PTPRD: variants seen among roughly 807,000 people sequenced by gnomAD.
The protein encoded by PTPRD is protein tyrosine phosphatase receptor type D.
PTPRD carries 34 observed loss-of-function variants against 214.5 expected under a neutral mutation model. That is an observed-to-expected ratio of 0.16 (90% CI 0.12 to 0.21). The LOEUF is 0.21. PTPRD is among the 10% of genes least tolerant of loss of function. PTPRD has a pLI of 1.00. For synonymous variants in PTPRD, 1,128 were observed against 845.7 expected (o/e 1.33, Z -5.79); for missense variants, 2,545 against 2,398.7 (o/e 1.06, Z -1.27).
chr9:10,192,509 A>G (rs2099370128), intron 3 of PTPRD, among the ~76,000 whole-genome samples: 1 of 151,604 alleles, frequency 6.6e-6, no homozygotes. Flanking sequence ...CCTTTAAAAA[A>G]TCTTATAGAC....
chr9:9,008,495 G>T (rs936803518), intron 11 of PTPRD, among the ~76,000 whole-genome samples: 3 of 151,764 alleles, frequency 2.0e-5, no homozygotes, highest in Non-Finnish European at 2.9e-5. Flanking sequence ...CAAAGTCCTG[G>T]GATTACAGGC....
chr9:9,464,543 C>G (rs2093966396), intron 8 of PTPRD, among the ~76,000 whole-genome samples: 1 of 152,140 alleles, frequency 6.6e-6, no homozygotes, highest in South Asian at 2.1e-4. Flanking sequence ...AAGTCTAACA[C>G]AGCATGAGAC....
intron 6 of PTPRD, among the ~76,000 whole-genome samples, chr9:9,762,122 C>G (rs1351004657): frequency 6.6e-6 from 1 of 152,132 alleles, no homozygotes; most frequent in African/African-American, 2.4e-5. Context: ...CAGTCCTGCC[C>G]TCAAGGCTCT....
intron 8 of PTPRD, among the ~76,000 whole-genome samples, chr9:9,457,274 A>T (rs2093140200): frequency 6.6e-6 from 1 of 151,950 alleles, no homozygotes; most frequent in Non-Finnish European, 1.5e-5. Context: ...AACCCCAAAA[A>T]ACCCTATAAA....
intron 12 of PTPRD, among the ~76,000 whole-genome samples, chr9:8,714,412 T>C (rs1057451012): frequency 2.0e-5 from 3 of 152,178 alleles, no homozygotes; most frequent in Admixed American, 6.5e-5. Context: ...AGCTTTTTTT[T>C]CTGCCTGTTG....
intron 10 of PTPRD, among the ~76,000 whole-genome samples, chr9:9,089,700 T>C (rs1219863223): frequency 6.6e-6 from 1 of 152,206 alleles, no homozygotes; most frequent in African/African-American, 2.4e-5. Context: ...TGAGATTTTA[T>C]AATGCAGAGT....
intron 5 of PTPRD, among the ~76,000 whole-genome samples, chr9:9,821,985 G>A (rs761042042): frequency 1.0e-4 from 15 of 150,674 alleles, no homozygotes; most frequent in Non-Finnish European, 2.1e-4. Context: ...ATTCAAATCT[G>A]TGACTGAAGT....
At chr9:8,995,482 T>C (rs1427646001) in intron 11 of PTPRD, among the ~76,000 whole-genome samples, 1 of 152,050 alleles carries the variant, frequency 6.6e-6, no homozygotes, top group African/African-American at 2.4e-5. Context: ...TGTTTGAAAA[T>C]TTCCACAGTG....
chr9:9,747,265 A>G (rs1230372488), intron 6 of PTPRD, among the ~76,000 whole-genome samples: 2 of 152,084 alleles, frequency 1.3e-5, no homozygotes, highest in Non-Finnish European at 2.9e-5. Flanking sequence ...GTTCAGGCTC[A>G]TGATTTCCGA....
At chr9:8,663,815 T>C (rs928932558) in intron 12 of PTPRD, among the ~76,000 whole-genome samples, 1 of 151,946 alleles carries the variant, frequency 6.6e-6, no homozygotes. Context: ...TGAAACATGA[T>C]GGTACTATAT....
chr9:8,713,693 T>A (rs2154407470), intron 12 of PTPRD: 2 of 1,513,172 alleles, frequency 1.3e-6, no homozygotes, highest in Admixed American at 1.7e-5. Flanking sequence ...CAGATCATGA[T>A]GGTGGAAGAG....
chr9:10,082,812 T>TACACACAC (rs776251264), intron 3 of PTPRD, among the ~76,000 whole-genome samples: 253 of 138,590 alleles, frequency 1.8e-3, no homozygotes, highest in South Asian at 1.9e-3. Flanking sequence ...CTACTCCTCC[T>TACACACAC]ACACACACAC....
chr9:8,661,476 A>T (rs1017345625), intron 12 of PTPRD, among the ~76,000 whole-genome samples: 2 of 152,128 alleles, frequency 1.3e-5, no homozygotes, highest in Non-Finnish European at 2.9e-5. Flanking sequence ...GGAAATTTTA[A>T]TGTCTAGGAA....
intron 8 of PTPRD, among the ~76,000 whole-genome samples, chr9:9,416,695 A>G (rs1407486764): frequency 6.6e-6 from 1 of 152,034 alleles, no homozygotes; most frequent in Non-Finnish European, 1.5e-5. Context: ...GTCTTCCATG[A>G]CTTATTTGTA....
At chr9:10,320,613 A>G (rs1272509010) in intron 3 of PTPRD, among the ~76,000 whole-genome samples, 1 of 152,090 alleles carries the variant, frequency 6.6e-6, no homozygotes. Flanking sequence ...GAGAGGTCTC[A>G]TATTTTAATG....
intron 11 of PTPRD, among the ~76,000 whole-genome samples, chr9:8,834,031 G>A (rs541691200): frequency 4.7e-5 from 7 of 150,476 alleles, no homozygotes; most frequent in Middle Eastern, 3.5e-3. Context: ...TACACAAACC[G>A]TTCAGAAAGC....
At chr9:9,947,433 AT>A (rs1477718464) in intron 4 of PTPRD, among the ~76,000 whole-genome samples, 2 of 31,436 alleles carry the variant, frequency 6.4e-5, no homozygotes, top group African/African-American at 6.1e-4. Flanking sequence ...TATTATATAT[AT>A]ATTATATATT....
chr9:8,928,054 T>C (rs1260628368), intron 11 of PTPRD, among the ~76,000 whole-genome samples: 1 of 152,194 alleles, frequency 6.6e-6, no homozygotes, highest in Non-Finnish European at 1.5e-5. Flanking sequence ...GATGAGGTTG[T>C]CTTTTCCTTG....
At chr9:9,669,731 A>G (rs917173283) in intron 7 of PTPRD, among the ~76,000 whole-genome samples, 7 of 152,180 alleles carry the variant, frequency 4.6e-5, no homozygotes, top group Non-Finnish European at 7.4e-5. Context: ...GTTCTTCAAC[A>G]TCATTTTTAT....
Sources: allele counts gnomAD v4.1 joint callset (sites outside exome capture counted in the v4.1 genomes callset), GRCh38; gene constraint gnomAD v4.1.1; transcripts MANE v1.5; gene names NCBI Gene and HGNC (gene_info 2026-07-23, HGNC 2026-07-21).